The following DNAAF8 variants were observed in gnomAD, a reference collection of about 807,000 sequenced individuals.
DNAAF8 encodes the protein dynein axonemal assembly factor 8.
In DNAAF8, 61 loss-of-function variants were observed where a neutral mutation model predicts 54.6. The ratio of observed to expected loss-of-function variants is 1.12; its 90% confidence interval spans 0.91 to 1.38. The LOEUF is 1.38. Ranked by LOEUF, DNAAF8 falls within the 40% of genes most tolerant of loss-of-function variation. DNAAF8 has a pLI of 0.00. For missense variants in DNAAF8, 837 were observed against 665.0 expected, an observed-to-expected ratio of 1.26 and a Z score of -2.85; for synonymous variants, 320 against 270.1, an observed-to-expected ratio of 1.18 and a Z score of -1.81.
intron 1 of DNAAF8, 69 bp from the exon 2 acceptor site, chr16:4,736,395 T>A: frequency 8.6e-7 from 1 of 1,162,266 alleles, no homozygotes; most frequent in Non-Finnish European, 1.1e-6. Context: ...CTACAGCTGG[T>A]AGAGCAGCCC....
rs74507482 is a variant in DNAAF8, at chr16:4,737,972, G to A, written c.276+26G>A. The A allele has an allele frequency of 1.3e-3, 2,095 of 1,607,404 alleles. 30 individuals carry two copies. The African/African-American group carries it at 0.025, about 19-fold the overall frequency. On this transcript the variant is annotated intron_variant, in intron 3 of 9. Transcript: ENST00000299320. ...GTCTGTGGGACACAGAAGAGTATAC[G>A]CCTGTGTGTGTGCGATGTTAGTCTA...
intron 6 of DNAAF8, 87 bp downstream of exon 6, chr16:4,745,098 G>A: frequency 3.4e-6 from 5 of 1,475,280 alleles, no homozygotes; most frequent in Non-Finnish European, 4.6e-6. Context: ...CCAAGGGCGG[G>A]GCACTCCATG....
chr16:4,740,811 G>C, intron 4 of DNAAF8, 152 bp downstream of exon 4: 2 of 1,042,482 alleles, frequency 1.9e-6, no homozygotes, highest in Non-Finnish European at 2.7e-6. Context: ...TCTCAGTAGA[G>C]GGGTGGAGGG....
rs182489715 is a variant in DNAAF8, at chr16:4,741,091, G to C, written c.783+432G>C. Among the ~76,000 whole-genome samples the C allele has an allele frequency of 2.8e-3, 418 of 151,826 alleles. 3 individuals are homozygous for C. The highest frequency in any genetic ancestry group is 9.5e-3 in the African/African-American group (393 of 41,432). ...ACAAAAAAAAAAAAAATAATTAGCT[G>C]GGTGTGGTGGCGGGCGCCTGTAGTC... On this transcript the variant is annotated intron_variant, in intron 4 of 9. Transcript: ENST00000299320.
chr16:4,739,131 C>T (rs539028791), intron 3 of DNAAF8, among the ~76,000 whole-genome samples: 1 of 152,102 alleles, frequency 6.6e-6, no homozygotes, highest in African/African-American at 2.4e-5. Context: ...TTGAAATAAC[C>T]CCACACAAGA....
chr16:4,737,126 C>T (rs2081909155), intron 2 of DNAAF8, among the ~76,000 whole-genome samples: 2 of 152,156 alleles, frequency 1.3e-5, no homozygotes, highest in South Asian at 4.1e-4. Context: ...GCCCTAGGTG[C>T]AGGCATAAGA....
chr16:4,739,440 T>C (rs1039657518), intron 3 of DNAAF8, among the ~76,000 whole-genome samples: 1 of 151,982 alleles, frequency 6.6e-6, no homozygotes, highest in Non-Finnish European at 1.5e-5. Context: ...AATTTAAATA[T>C]TGTTTCATTG....
intron 1 of DNAAF8, among the ~76,000 whole-genome samples, chr16:4,735,886 G>A (rs2142197715): frequency 6.6e-6 from 1 of 152,256 alleles, no homozygotes; most frequent in East Asian, 1.9e-4. Flanking sequence ...AGCTCAGGAG[G>A]CCGAGGCTTC....
chr16:4,746,805 CCA>C, intron 7 of DNAAF8, 120 bp from the exon 8 acceptor site: 1 of 945,722 alleles, frequency 1.1e-6, no homozygotes, highest in Non-Finnish European at 1.5e-6. Flanking sequence ...CCACCGGCCT[CCA>C]GTGTGGCTGC....
intron 4 of DNAAF8, among the ~76,000 whole-genome samples, chr16:4,742,216 CA>C (rs2081967505): frequency 6.6e-6 from 1 of 152,104 alleles, no homozygotes; most frequent in African/African-American, 2.4e-5. Flanking sequence ...TTTTAACCTC[CA>C]AACATTGTGA....
At chr16:4,739,764 G>T (rs947390396) in intron 3 of DNAAF8, among the ~76,000 whole-genome samples, 9 of 151,854 alleles carry the variant, frequency 5.9e-5, no homozygotes, top group African/African-American at 2.2e-4. Flanking sequence ...GTTAAAAGAG[G>T]TCAGGCACAG....
chr16:4,742,773 G>A (rs527988382), intron 4 of DNAAF8, among the ~76,000 whole-genome samples: 1 of 152,144 alleles, frequency 6.6e-6, no homozygotes, highest in African/African-American at 2.4e-5. Context: ...GTCAGACAAC[G>A]TCTTTGTGCC....
chr16:4,735,182 C>T (rs1007953698), intron 1 of DNAAF8: 1 of 152,330 alleles, frequency 6.6e-6, no homozygotes, highest in African/African-American at 2.4e-5. Context: ...CGTTCCCTCC[C>T]CTATTGTCTT....
intron 4 of DNAAF8, among the ~76,000 whole-genome samples, chr16:4,742,247 G>A (rs907971897): frequency 2.6e-5 from 4 of 151,928 alleles, no homozygotes; most frequent in Non-Finnish European, 5.9e-5. Context: ...AACCTAAATA[G>A]TGTTTCTGAA....
intron 1 of DNAAF8, chr16:4,735,084 C>T (rs1303738850): frequency 6.6e-6 from 1 of 152,294 alleles, no homozygotes; most frequent in Non-Finnish European, 1.5e-5. Context: ...ACCGGAGAGT[C>T]CAGCAACTGA....
intron 3 of DNAAF8, among the ~76,000 whole-genome samples, chr16:4,739,692 G>A (rs1386266839): frequency 1.3e-5 from 2 of 151,336 alleles, no homozygotes; most frequent in Non-Finnish European, 2.9e-5. Flanking sequence ...GGGATTACAC[G>A]CACGCCACTG....
chr16:4,737,613 G>A (rs567320170), intron 2 of DNAAF8, among the ~76,000 whole-genome samples, 187 bp from the exon 3 acceptor site: 20 of 152,160 alleles, frequency 1.3e-4, no homozygotes, highest in African/African-American at 2.6e-4. Flanking sequence ...AAGAAGCCGC[G>A]CACAGCAAGG....
chr16:4,737,097 A>C (rs1228455933), intron 2 of DNAAF8, among the ~76,000 whole-genome samples: 4 of 152,146 alleles, frequency 2.6e-5, no homozygotes, highest in Non-Finnish European at 5.9e-5. Context: ...AATGGCTCTC[A>C]AAGACGCTCA....
Position 4,747,523 on chromosome 16 carries a change from C to T in DNAAF8, c.1461C>T (p.Ser487=), listed in dbSNP as rs752865697. 46 of 1,612,974 alleles carry T rather than the reference C, an allele frequency of 2.9e-5. No homozygotes were observed. The highest frequency in any genetic ancestry group is 3.5e-5 in the Non-Finnish European group (41 of 1,179,884). The change falls in exon 9 of 10, where the codon AGC becomes AGT. Residue 487 remains serine, a synonymous_variant. Coordinates refer to ENST00000299320, the MANE Select transcript of DNAAF8 (RefSeq NM_139170.3). ...QHMKLCAKGQ[S]AQARLPRGRP... ...TGAAGCTCTGTGCCAAGGGGCAGAG[C>T]GCCCAGGCTCGACTCCCAAGAGGCA...
Sources: gnomAD v4.1 joint callset for allele counts (sites outside exome capture counted in the v4.1 genomes callset) on GRCh38, gnomAD v4.1.1 for gene constraint, MANE v1.5 for transcripts, NCBI Gene and HGNC (gene_info 2026-07-23, HGNC 2026-07-21) for gene names.